The following CREB5 variants were observed in gnomAD, a reference collection of about 807,000 sequenced individuals.
CREB5 encodes the protein cAMP responsive element binding protein 5, also known as cyclic AMP-responsive element-binding protein 5.
CREB5 carries 19 observed loss-of-function variants against 57.1 expected under a neutral mutation model. The ratio of observed to expected loss-of-function variants is 0.33; its 90% CI spans 0.23 to 0.49. CREB5 has a LOEUF of 0.49. Among genes scored for constraint, CREB5 ranks in the 20% least tolerant of loss-of-function variants. The pLI is 0.99. For synonymous variants in CREB5, 238 were observed against 238.3 expected (o/e 1.00, Z 0.01); for missense variants, 579 against 671.6 (o/e 0.86, Z 1.52).
intron 1 of CREB5, among the ~76,000 whole-genome samples, chr7:28,485,268 A>G (rs1791502674): frequency 6.6e-6 from 1 of 152,114 alleles, no homozygotes; most frequent in Admixed American, 6.6e-5. Flanking sequence ...TCTAATTGTT[A>G]TCATTAATGA....
chr7:28,703,106 G>A (rs888661416), intron 5 of CREB5, among the ~76,000 whole-genome samples: 72 of 152,202 alleles, frequency 4.7e-4, no homozygotes, highest in African/African-American at 1.6e-3. Flanking sequence ...ACAGGGAAAT[G>A]TCATGACCAG....
chr7:28,433,806 G>A (rs920707039), intron 1 of CREB5, among the ~76,000 whole-genome samples: 17 of 151,818 alleles, frequency 1.1e-4, no homozygotes, highest in African/African-American at 1.7e-4. Flanking sequence ...CACAGTTTAC[G>A]TTTAGAATCA....
Position 28,488,256 on chromosome 7 carries a change from C to G in CREB5, c.75+10C>G. 3.1e-6 allele frequency: 5 copies of G among 1,612,362 alleles called. No individual in the cohort carries two copies. Among genetic ancestry groups the G allele is most frequent in the Non-Finnish European group, 3.4e-6 (4 of 1,178,990 alleles). On this transcript the variant is annotated intron_variant, in intron 2 of 10. Coordinates refer to ENST00000357727, the MANE Select transcript of CREB5 (RefSeq NM_182898.4). Reference sequence around the variant, plus strand: ...CCCAGGCTGCTCCCAGGTGAGTGTGCGGATCCTCCCTGCTCTGACATGCAG... The same window carrying G: ...CCCAGGCTGCTCCCAGGTGAGTGTGGGGATCCTCCCTGCTCTGACATGCAG...
chr7:28,347,414 G>A (rs1162314392), intron 1 of CREB5, among the ~76,000 whole-genome samples: 2 of 152,180 alleles, frequency 1.3e-5, no homozygotes, highest in Non-Finnish European at 2.9e-5. Context: ...TGTTTAGATT[G>A]AGTTCAAGAA....
chr7:28,636,099 T>G (rs1031225506), intron 5 of CREB5, among the ~76,000 whole-genome samples: 4 of 152,256 alleles, frequency 2.6e-5, no homozygotes, highest in African/African-American at 9.6e-5. Flanking sequence ...TTTTTTAAGT[T>G]GAGTGTGCTG....
intron 1 of CREB5, among the ~76,000 whole-genome samples, chr7:28,346,762 G>T (rs1185564434): frequency 6.6e-6 from 1 of 152,184 alleles, no homozygotes; most frequent in African/African-American, 2.4e-5. Flanking sequence ...TTCTGGCTGA[G>T]CTCCCAGCAG....
At chr7:28,451,033 T>C (rs1157761157) in intron 1 of CREB5, among the ~76,000 whole-genome samples, 3 of 152,194 alleles carry the variant, frequency 2.0e-5, no homozygotes, top group Non-Finnish European at 4.4e-5. Flanking sequence ...TACTGATTTT[T>C]CAGTTGCTGT....
intron 1 of CREB5, among the ~76,000 whole-genome samples, chr7:28,482,716 C>T (rs1255500755): frequency 6.6e-6 from 1 of 152,186 alleles, no homozygotes; most frequent in African/African-American, 2.4e-5. Flanking sequence ...TTCAAGCCCC[C>T]CTTTCAGATT....
intron 2 of CREB5, among the ~76,000 whole-genome samples, chr7:28,488,981 CATCACCTAAAAT>C (rs1042800450): frequency 3.4e-4 from 52 of 152,322 alleles, no homozygotes; most frequent in African/African-American, 1.3e-3. Flanking sequence ...TAGAAACATT[CATCACCTAAAAT>C]CAGAGTTTTG....
intron 5 of CREB5, chr7:28,686,090 G>A: frequency 1.3e-6 from 2 of 1,592,146 alleles, no homozygotes; most frequent in African/African-American, 1.3e-5. Flanking sequence ...GGAAGGATAT[G>A]ACTCACTCAA....
intron 4 of CREB5, among the ~76,000 whole-genome samples, chr7:28,560,825 CGCGCGCGCGT>C (rs1795083983): frequency 5.3e-5 from 2 of 37,560 alleles, no homozygotes; most frequent in Admixed American, 5.7e-4. Context: ...TGTGTGTGCG[CGCGCGCGCGT>C]GTGTGTGTGC....
intron 1 of CREB5, among the ~76,000 whole-genome samples, chr7:28,333,702 T>C (rs12671650): frequency 0.55 from 83,753 of 152,030 alleles, 23,742 homozygotes; most frequent in East Asian, 0.69. Context: ...AAGTTCCATC[T>C]ATGTTGTTGC....
intron 4 of CREB5, among the ~76,000 whole-genome samples, chr7:28,528,704 C>CAAAAAAAAAAAAAAAAAAAAAA (rs778154325): frequency 1.7e-5 from 1 of 58,392 alleles, no homozygotes. Context: ...AACTCCATCT[C>CAAAAAAAAAAAAAAAAAAAAAA]AAAAAAAAAA....
chr7:28,703,536 G>T (rs1346235815), intron 5 of CREB5, among the ~76,000 whole-genome samples: 1 of 152,146 alleles, frequency 6.6e-6, no homozygotes, highest in Non-Finnish European at 1.5e-5. Flanking sequence ...CCCATGATCT[G>T]CCATCTGCCA....
At chr7:28,714,470 A>T (rs925324208) in intron 5 of CREB5, among the ~76,000 whole-genome samples, 4 of 152,086 alleles carry the variant, frequency 2.6e-5, no homozygotes, top group African/African-American at 9.7e-5. Flanking sequence ...GGGTGGAGAG[A>T]CCCCTTCGCA....
chr7:28,703,006 GAT>G (rs1801941207), intron 5 of CREB5, among the ~76,000 whole-genome samples: 1 of 152,148 alleles, frequency 6.6e-6, no homozygotes, highest in East Asian at 1.9e-4. Flanking sequence ...CAGGTGGAAA[GAT>G]AGTACTACAG....
intron 7 of CREB5, among the ~76,000 whole-genome samples, chr7:28,775,565 T>TATATATATATATA (rs1232967788): frequency 9.0e-5 from 13 of 144,584 alleles, no homozygotes; most frequent in South Asian, 2.2e-4. Context: ...TATATATATA[T>TATATATATATATA]TAGCGTATTT....
intron 1 of CREB5, among the ~76,000 whole-genome samples, chr7:28,351,360 C>T (rs1035503099): frequency 2.0e-5 from 3 of 152,184 alleles, no homozygotes; most frequent in Non-Finnish European, 4.4e-5. Context: ...ATTCAGGACA[C>T]ACACCCAGTG....
At chr7:28,740,570 CA>C (rs59001048) in intron 7 of CREB5, among the ~76,000 whole-genome samples, 1 of 151,578 alleles carries the variant, frequency 6.6e-6, no homozygotes, top group Non-Finnish European at 1.5e-5. Context: ...ATCGTCTTAG[CA>C]AAAAAAATTA....
Sources: gnomAD v4.1 joint callset for allele counts (sites outside exome capture counted in the v4.1 genomes callset) on GRCh38, gnomAD v4.1.1 for gene constraint, MANE v1.5 for transcripts, NCBI Gene and HGNC (gene_info 2026-07-23, HGNC 2026-07-21) for gene names.